The following THBS4 variants were observed in gnomAD, a reference collection of about 807,000 sequenced individuals.
The protein encoded by THBS4 is thrombospondin 4.
THBS4 carries 90 observed loss-of-function variants against 115.7 expected under a neutral mutation model. The ratio of observed to expected loss-of-function variants is 0.78; its 90% CI spans 0.66 to 0.93. The LOEUF (loss-of-function observed/expected upper bound fraction) is 0.93, where lower values mean the gene tolerates loss of function less well. Ranked by LOEUF, THBS4 falls within the 40% of genes least tolerant of loss-of-function variation. The pLI, the probability that THBS4 is intolerant of heterozygous loss-of-function variation, is 0.00. For missense variants in THBS4, 1,087 were observed against 1,232.7 expected (o/e 0.88, Z 1.77); for synonymous variants, 460 against 479.3 (o/e 0.96, Z 0.53).
chr5:80,079,803 A>T lies in THBS4; in HGVS notation c.2512-102A>T. On this transcript the variant is annotated intron_variant, in intron 19 of 21. Coordinates refer to ENST00000350881, the MANE Select transcript of THBS4 (RefSeq NM_003248.6). ...TTTGTTCTGAATCCAAGGCAGCCGG[A>T]TTATAACCATGACTATAACCTGGAT... The T allele has an allele frequency of 2.3e-6, 3 of 1,285,568 alleles. No homozygotes were observed. In the South Asian group the frequency reaches 4.2e-5, roughly 18 times the overall value. 79.6% of individuals were successfully genotyped at this position (1,285,568 alleles called of 1,614,324 possible).
intron 15 of THBS4, among the ~76,000 whole-genome samples, chr5:80,074,757 G>A (rs1290990180): frequency 6.6e-6 from 1 of 152,008 alleles, no homozygotes; most frequent in Non-Finnish European, 1.5e-5. Context: ...GGGATTACAG[G>A]TGTGTGCCAC....
Position 80,055,791 on chromosome 5 carries a change from T to G in THBS4, c.299T>G (p.Leu100Arg), listed in dbSNP as rs1167816806. 4 of 1,612,870 alleles carry G rather than the reference T, an allele frequency of 2.5e-6. No individual in the cohort carries two copies. Among genetic ancestry groups the G allele is most frequent in the Non-Finnish European group, 3.4e-6 (4 of 1,179,174 alleles). ...TVMGRLNKAILRYLKNDGKVH... is the reference protein window; with the variant it reads ...TVMGRLNKAIRRYLKNDGKVH... Reference sequence around the variant, plus strand: ...GACCTGTGCTTGCTTCCAGCCATCCTCCGTTACCTGAAGAACGATGGGAAG... The same window carrying G: ...GACCTGTGCTTGCTTCCAGCCATCCGCCGTTACCTGAAGAACGATGGGAAG... Residue 100 changes from leucine to arginine, a missense_variant, in exon 3 of 22, where the codon CTC becomes CGC. Leu to Arg is a moderately radical substitution (Grantham distance 102). Around this residue, in one of 3 missense-constraint regions of THBS4, gnomAD observed 979 missense variants for 1,103.7 expected, o/e 0.89. Coordinates refer to ENST00000350881, the MANE Select transcript of THBS4 (RefSeq NM_003248.6).
intron 21 of THBS4, 97 bp downstream of exon 21, chr5:80,082,642 CGCT>C: frequency 6.9e-7 from 1 of 1,451,574 alleles, no homozygotes; most frequent in Non-Finnish European, 9.5e-7. Context: ...AAAAGCCCAA[CGCT>C]CATACCACAT....
intron 1 of THBS4, chr5:80,036,157 C>G: frequency 1.0e-6 from 1 of 985,442 alleles, no homozygotes; most frequent in African/African-American, 1.7e-5. Flanking sequence ...CAAGGATTGG[C>G]TTGATGTCTT....
At chr5:80,001,894 C>A (rs1831906574) in intron 2 of THBS4, among the ~76,000 whole-genome samples, 1 of 152,038 alleles carries the variant, frequency 6.6e-6, no homozygotes, top group African/African-American at 2.4e-5. Flanking sequence ...GTCTCCAAAG[C>A]CATGATTTTT....
At position 79,992,700 on chromosome 5, in the gene THBS4, G is replaced by T. The variant is rs145397899; in HGVS notation, n.81+1288G>T. Among the ~76,000 whole-genome samples the T allele has an allele frequency of 4.6e-3, 698 of 152,202 alleles. 5 individuals are homozygous for T. The highest frequency in any genetic ancestry group is 8.3e-3 in the Non-Finnish European group (562 of 68,020). On this transcript the variant is annotated intron_variant and non_coding_transcript_variant, in intron 1 of 3. Transcript: ENST00000510218. ...ATATAAAACATGAATTCTGTCCTCG[G>T]GAGTTTACAGTGCACAAAGGAGATA...
intron 1 of THBS4, among the ~76,000 whole-genome samples, chr5:80,039,748 CT>C (rs1163325932): frequency 1.3e-5 from 2 of 152,188 alleles, no homozygotes; most frequent in Non-Finnish European, 2.9e-5. Context: ...CCCCCTTGTA[CT>C]TTAAGCCTTT....
chr5:80,050,920 G>A (rs1407820639), intron 2 of THBS4, among the ~76,000 whole-genome samples: 1 of 152,180 alleles, frequency 6.6e-6, no homozygotes, highest in Non-Finnish European at 1.5e-5. Flanking sequence ...TTTCCTGAGT[G>A]CTTTCCAGGG....
chr5:80,061,679 A>T lies in THBS4; in HGVS notation c.988-16A>T. 1 of 1,595,622 alleles carries T rather than the reference A, an allele frequency of 6.3e-7. No individual in the cohort carries two copies. Among genetic ancestry groups the T allele is most frequent in the Non-Finnish European group, 8.6e-7 (1 of 1,168,704 alleles). ...TTCTCGGTGTGGCTAAAGACTTTGA[A>T]CTTTTTTGTCTCCAGTGCAAATACC... On this transcript the variant is annotated splice_polypyrimidine_tract_variant and intron_variant, in intron 7 of 21. Coordinates refer to ENST00000350881, the MANE Select transcript of THBS4 (RefSeq NM_003248.6).
intron 5 of THBS4, 65 bp downstream of exon 5, chr5:80,058,855 T>C (rs1833524467): frequency 1.3e-6 from 2 of 1,496,648 alleles, no homozygotes; most frequent in Non-Finnish European, 1.8e-6. Flanking sequence ...CACAAGCTAG[T>C]GGAGCTGCAG....
chr5:80,059,518 G>A lies in THBS4; in HGVS notation c.784+27G>A, dbSNP rs547070067. The A allele has an allele frequency of 2.1e-5, 34 of 1,613,684 alleles. No individual in the cohort carries two copies. In the East Asian group the frequency reaches 2.2e-4, roughly 11 times the overall value. On this transcript the variant is annotated intron_variant, in intron 6 of 21. Transcript: ENST00000350881. ...TAAGTGCTTTTCTAGTAATGGGCTC[G>A]CCTGAGTTGGATGATGCAGGCTGAT...
At chr5:80,008,080 A>G (rs1037077758) in intron 2 of THBS4, among the ~76,000 whole-genome samples, 2 of 152,238 alleles carry the variant, frequency 1.3e-5, no homozygotes, top group African/African-American at 2.4e-5. Flanking sequence ...GTCGGTGTCA[A>G]TGAAAATCAA....
chr5:80,053,738 G>A (rs931816749), intron 2 of THBS4, among the ~76,000 whole-genome samples: 1 of 152,136 alleles, frequency 6.6e-6, no homozygotes, highest in Non-Finnish European at 1.5e-5. Flanking sequence ...GCTAATTTTT[G>A]TATTTTTAGT....
chr5:80,075,125 T>C (rs930617691), intron 15 of THBS4: 5 of 152,258 alleles, frequency 3.3e-5, no homozygotes, highest in African/African-American at 1.2e-4. Flanking sequence ...TAAATAGTTA[T>C]TATACTGCAT....
intron 1 of THBS4, chr5:80,036,120 CT>C: frequency 1.0e-6 from 1 of 985,976 alleles, no homozygotes; most frequent in Non-Finnish European, 1.2e-6. Context: ...TCTGACTTTG[CT>C]TGAACGACAA....
At chr5:80,040,004 C>G (rs991571926) in intron 1 of THBS4, 73 bp from the exon 2 acceptor site, 119 of 1,379,154 alleles carry the variant, frequency 8.6e-5, no homozygotes, top group Admixed American at 2.9e-4. Flanking sequence ...TTGCACCCCC[C>G]CCAAACAAAG....
chr5:80,082,341 C>T, intron 20 of THBS4, 65 bp from the exon 21 acceptor site: 2 of 1,594,996 alleles, frequency 1.3e-6, no homozygotes, highest in Non-Finnish European at 8.5e-7. Context: ...GCCCCTGGGC[C>T]TCACAGTGGG....
Position 80,078,966 on chromosome 5 carries a change from G to A in THBS4, c.2311G>A (p.Val771Met). 1 of 1,614,166 alleles carries A rather than the reference G, an allele frequency of 6.2e-7. No homozygotes were observed. The highest frequency in any genetic ancestry group is 8.5e-7 in the Non-Finnish European group (1 of 1,180,000). The change falls in exon 18 of 22, where the codon GTG becomes ATG. Residue 771 changes from valine to methionine, a missense_variant. Transcript: ENST00000350881. The part of the protein sequence containing the change: ...QTMNSDPGLA[V>M]GYTAFNGVDF... ...CATGAACAGTGATCCTGGCCTGGCA[G>A]TGGGTATGTCCAGGGCCTCAGTTGC... is the stretch of plus-strand genomic sequence containing the variant.
chr5:80,054,139 G>C (rs1405852267), intron 2 of THBS4, among the ~76,000 whole-genome samples: 1 of 149,048 alleles, frequency 6.7e-6, no homozygotes, highest in Non-Finnish European at 1.5e-5. Context: ...TACAACCATG[G>C]ATACCTTTTC....
Sources: allele counts gnomAD v4.1 joint callset (sites outside exome capture counted in the v4.1 genomes callset), GRCh38; gene constraint gnomAD v4.1.1; regional missense constraint gnomAD v4.1.1; transcripts MANE v1.5; gene names NCBI Gene and HGNC (gene_info 2026-07-23, HGNC 2026-07-21).